The following CAPRIN1 variants were observed in gnomAD, a reference collection of about 807,000 sequenced individuals.
The protein encoded by CAPRIN1 is cell cycle associated protein 1.
Under a neutral mutation model 100.9 loss-of-function variants are expected in CAPRIN1, and 29 were observed. That is an observed-to-expected ratio of 0.29 (90% CI 0.21 to 0.39). The LOEUF (loss-of-function observed/expected upper bound fraction) is 0.39. Among genes scored for constraint, CAPRIN1 ranks in the 10% least tolerant of loss-of-function variants. The pLI, the probability that CAPRIN1 is intolerant of heterozygous loss-of-function variation, is 1.00. For missense variants in CAPRIN1, 795 were observed against 876.7 expected, an observed-to-expected ratio of 0.91 and a Z score of 1.18; for synonymous variants, 338 against 307.5, an observed-to-expected ratio of 1.10 and a Z score of -1.04.
rs757828401 is a variant in CAPRIN1 at position 34,086,098 on chromosome 11, C to T, written c.1001C>T (p.Ala334Val). ...VNSLQQQPQA[A>V]SPSVPEPHSL... is the part of the protein sequence containing the mutation. ...TCACTCCAGCAGCAACCTCAGGCTG[C>T]ATCCCCTTCAGTACCAGAGCCCCAC... is the stretch of plus-strand genomic sequence containing the variant. The change falls in exon 10 of 19, where the codon GCA becomes GTA. Residue 334 changes from alanine to valine, a missense_variant. By Grantham distance (64) the Ala-to-Val change is moderately conservative (BLOSUM62 0). Transcript: ENST00000341394. 2 of 1,613,984 alleles carry T rather than the reference C, an allele frequency of 1.2e-6. No individual in the cohort carries two copies. Among genetic ancestry groups the T allele is most frequent in the African/African-American group, 1.3e-5 (1 of 74,914 alleles).
chr11:34,091,717 T>C (rs1038230102), intron 14 of CAPRIN1, 189 bp from the exon 15 acceptor site: 24 of 556,490 alleles, frequency 4.3e-5, no homozygotes, highest in Non-Finnish European at 7.3e-5. Context: ...TTAAGTACTA[T>C]ATGGTATATA....
At chr11:34,054,573 G>C (rs1296900828) in intron 2 of CAPRIN1, among the ~76,000 whole-genome samples, 1 of 152,036 alleles carries the variant, frequency 6.6e-6, no homozygotes, top group Non-Finnish European at 1.5e-5. Flanking sequence ...GAGTACAGGT[G>C]CCTGCCACCA....
chr11:34,057,699 ATTTAGAGGAT>A (rs1187937020), intron 2 of CAPRIN1, among the ~76,000 whole-genome samples: 3 of 152,110 alleles, frequency 2.0e-5, no homozygotes, highest in Non-Finnish European at 4.4e-5. Context: ...CTGTTATAAA[ATTTAGAGGAT>A]TTTTAATTTT....
intron 9 of CAPRIN1, 44 bp from the exon 10 acceptor site, chr11:34,086,020 T>A: frequency 6.3e-7 from 1 of 1,585,652 alleles, no homozygotes; most frequent in Non-Finnish European, 8.6e-7. Context: ...GAGTGGAGCT[T>A]TTTTGCTCTC....
chr11:34,102,211 C>T lies in CAPRIN1; in HGVS notation c.*2844C>T, dbSNP rs114951072. Among the ~76,000 whole-genome samples the T allele has an allele frequency of 6.9e-4, 105 of 152,246 alleles. No homozygotes were observed. Among genetic ancestry groups the T allele is most frequent in the African/African-American group, 2.3e-3 (94 of 41,548 alleles). On this transcript the variant is annotated 3_prime_UTR_variant, in exon 19 of 19. Transcript: ENST00000341394. The stretch of plus-strand genomic sequence containing the variant: ...TGCTTATTCTCAGAAGGTTCATTAA[C>T]TGAGGTGATGAGTTAACAACTAGTT...
intron 2 of CAPRIN1, among the ~76,000 whole-genome samples, chr11:34,066,857 C>T (rs1159828659): frequency 2.0e-5 from 3 of 151,148 alleles, no homozygotes; most frequent in African/African-American, 7.3e-5. Flanking sequence ...TGGTCTCCAG[C>T]TCTTGACCTT....
intron 17 of CAPRIN1, 34 bp downstream of exon 17, chr11:34,097,330 C>G (rs1156938913): frequency 1.4e-6 from 2 of 1,433,204 alleles, no homozygotes; most frequent in Non-Finnish European, 2.0e-6. Flanking sequence ...TAAACCTGAA[C>G]TAAATATACC....
chr11:34,080,796 A>T (rs1851014115), intron 7 of CAPRIN1, among the ~76,000 whole-genome samples: 1 of 152,212 alleles, frequency 6.6e-6, no homozygotes. Flanking sequence ...AAAATATGTC[A>T]AGTGTGTATA....
intron 18 of CAPRIN1, chr11:34,098,475 C>G (rs1269825775): frequency 1.0e-6 from 1 of 985,116 alleles, no homozygotes; most frequent in Non-Finnish European, 1.2e-6. Flanking sequence ...GTCTGAAATT[C>G]TAAATGGTTC....
At chr11:34,091,232 C>T (rs1390291519) in intron 14 of CAPRIN1, among the ~76,000 whole-genome samples, 1 of 152,138 alleles carries the variant, frequency 6.6e-6, no homozygotes, top group African/African-American at 2.4e-5. Flanking sequence ...ACATTCAACC[C>T]TGTTAAAGTT....
chr11:34,087,936 A>C (rs1379684040), intron 11 of CAPRIN1, among the ~76,000 whole-genome samples: 1 of 152,256 alleles, frequency 6.6e-6, no homozygotes, highest in South Asian at 2.1e-4. Flanking sequence ...GAGGTGAGAG[A>C]GTGATGGGAA....
chr11:34,096,740 A>ATAT, intron 16 of CAPRIN1, 67 bp downstream of exon 16: 1 of 1,249,136 alleles, frequency 8.0e-7, no homozygotes, highest in East Asian at 2.4e-5. Flanking sequence ...GATTTGTAAA[A>ATAT]TATATCACAC....
intron 14 of CAPRIN1, among the ~76,000 whole-genome samples, chr11:34,090,881 T>C (rs1406143507): frequency 6.6e-6 from 1 of 152,256 alleles, no homozygotes; most frequent in Non-Finnish European, 1.5e-5. Flanking sequence ...TTTAGCCTTA[T>C]GAGTGATGTG....
At chr11:34,072,878 C>T (rs902470026) in intron 4 of CAPRIN1, among the ~76,000 whole-genome samples, 4 of 152,190 alleles carry the variant, frequency 2.6e-5, no homozygotes, top group East Asian at 1.9e-4. Flanking sequence ...TGTACCTATT[C>T]TGTGTTTCGA....
At chr11:34,092,741 A>G (rs2134133797) in intron 15 of CAPRIN1, among the ~76,000 whole-genome samples, 1 of 152,344 alleles carries the variant, frequency 6.6e-6, no homozygotes, top group South Asian at 2.1e-4. Context: ...AAAGTTAAGA[A>G]AAAACTCATG....
At chr11:34,055,099 A>G (rs776344233) in intron 2 of CAPRIN1, among the ~76,000 whole-genome samples, 10 of 152,142 alleles carry the variant, frequency 6.6e-5, no homozygotes, top group Non-Finnish European at 5.9e-5. Context: ...TTAAATGTGT[A>G]TAGGTGTATG....
chr11:34,098,916 A>C, intron 18 of CAPRIN1: 7 of 1,018,308 alleles, frequency 6.9e-6, no homozygotes, highest in Non-Finnish European at 8.2e-6. Context: ...CTTACTACTG[A>C]AATGTAAGCT....
chr11:34,064,954 G>GTTTTTT (rs10551006), intron 2 of CAPRIN1, among the ~76,000 whole-genome samples: 13 of 63,154 alleles, frequency 2.1e-4, no homozygotes, highest in African/African-American at 6.7e-4. Flanking sequence ...CTGTATAATG[G>GTTTTTT]TTTTTTTTTT....
chr11:34,081,686 C>T (rs1220984795), intron 7 of CAPRIN1, among the ~76,000 whole-genome samples: 2 of 151,696 alleles, frequency 1.3e-5, no homozygotes, highest in South Asian at 4.2e-4. Context: ...TTAGTAGAGA[C>T]AGGGTTTCAC....
Sources: gnomAD v4.1 joint callset for allele counts (sites outside exome capture counted in the v4.1 genomes callset) on GRCh38, gnomAD v4.1.1 for gene constraint, MANE v1.5 for transcripts, NCBI Gene and HGNC (gene_info 2026-07-23, HGNC 2026-07-21) for gene names.